The following DNM1 variants were observed in gnomAD, a reference collection of about 807,000 sequenced individuals.
The protein encoded by DNM1 is dynamin-1.
In DNM1, 29 loss-of-function variants were observed where a neutral mutation model predicts 104.6. The observed-to-expected ratio is 0.28, with a 90% CI of 0.21 to 0.38. The LOEUF (loss-of-function observed/expected upper bound fraction) is 0.38. Among genes scored for constraint, DNM1 ranks in the 10% least tolerant of loss-of-function variants. The pLI, the probability that DNM1 is intolerant of heterozygous loss-of-function variation, is 1.00. For missense variants in DNM1, 640 were observed against 1,189.4 expected, an observed-to-expected ratio of 0.54 and a Z score of 6.79; for synonymous variants, 445 against 475.8, an observed-to-expected ratio of 0.94 and a Z score of 0.84.
chr9:128,253,480 G>C lies in DNM1; in HGVS notation c.2535-1174G>C, dbSNP rs1829654913. ...ATGGTGTAAAGGCTGGGAGCTTGGA[G>C]GGGGTCGTGTGTGGGGCTGGACTCT... On this transcript the variant is annotated intron_variant, in intron 21 of 21. Transcript: ENST00000372923. This position sits in a 1 kb window ranked among gnomAD's most constrained non-coding sequence, Gnocchi z 5.9. 8.4e-6 allele frequency: 3 copies of C among 359,086 alleles called. No homozygotes were observed. Among genetic ancestry groups the C allele is most frequent in the Non-Finnish European group, 1.0e-5 (2 of 194,350 alleles). 22.2% of individuals were successfully genotyped at this position (359,086 alleles called of 1,614,324 possible).
At chr9:128,219,312 A>C in intron 4 of DNM1, 60 bp downstream of exon 4, 1 of 1,444,320 alleles carries the variant, frequency 6.9e-7, no homozygotes, top group South Asian at 1.1e-5. Flanking sequence ...GTCTATTCTT[A>C]GTGTAAAGGG....
rs1424095122 is a variant in DNM1 at position 128,242,384 on chromosome 9, G to A, written c.1671+39G>A. 3 of 1,196,628 alleles carry A rather than the reference G, an allele frequency of 2.5e-6. No individual in the cohort carries two copies. The African/African-American group carries it at 4.5e-5, about 18-fold the overall frequency. 74.1% of individuals were successfully genotyped at this position (1,196,628 alleles called of 1,614,324 possible). ...CAGTGGTCATCAAGGGGCTGGGCTG[G>A]TGGACAGAGTCAGGCTCAGACCCTC... On this transcript the variant is annotated intron_variant, in intron 15 of 21. Coordinates refer to ENST00000372923, the MANE Select transcript of DNM1 (RefSeq NM_004408.4).
intron 21 of DNM1, chr9:128,251,209 A>G (rs1829497652): frequency 1.5e-6 from 1 of 650,326 alleles, no homozygotes; most frequent in East Asian, 3.1e-5. Context: ...CAGCACTTGC[A>G]TGGCGCTTCC....
At chr9:128,204,234 C>A (rs553674081) in intron 1 of DNM1, 46 of 152,594 alleles carry the variant, frequency 3.0e-4, no homozygotes, top group Non-Finnish European at 6.0e-4. Flanking sequence ...AGGGGGGAGG[C>A]GCGGGCTGCA....
In DNM1 at chr9:128,253,986, C is replaced by G; in HGVS notation, c.2535-668C>G. The G allele has an allele frequency of 8.1e-7, 1 of 1,234,058 alleles. No homozygotes were observed. The highest frequency in any genetic ancestry group is 1.0e-6 in the Non-Finnish European group (1 of 989,446). The allele number at this position is 1,234,058 out of a possible 1,614,324, so 76.4% of individuals were successfully genotyped here. A position where few individuals can be genotyped will look rare whatever the true frequency, so the allele number is the denominator to read the frequency against. Reference sequence around the variant, plus strand: ...CCCCCATTCTCCTGCCACTGACTCTCGCTCTTCTGCTTTTCCCAGCAGGAA... The same window carrying G: ...CCCCCATTCTCCTGCCACTGACTCTGGCTCTTCTGCTTTTCCCAGCAGGAA... On this transcript the variant is annotated intron_variant, in intron 21 of 21. Coordinates refer to ENST00000372923, the MANE Select transcript of DNM1 (RefSeq NM_004408.4). This position sits in a 1 kb window ranked among gnomAD's most constrained non-coding sequence, Gnocchi z 5.9.
At chr9:128,236,696 TA>T (rs1032192836) in intron 11 of DNM1, among the ~76,000 whole-genome samples, 2 of 151,904 alleles carry the variant, frequency 1.3e-5, no homozygotes, top group African/African-American at 4.8e-5. Context: ...ACAAAAAATT[TA>T]AAAAACTAGC....
At chr9:128,227,734 G>A (rs77989565) in intron 10 of DNM1, among the ~76,000 whole-genome samples, 37,795 of 151,942 alleles carry the variant, frequency 0.25, 5,025 homozygotes, top group South Asian at 0.37. Context: ...AATGTGGCAT[G>A]ATTTATATGT....
At chr9:128,242,591 C>T (rs1836439430) in intron 15 of DNM1, among the ~76,000 whole-genome samples, 1 of 152,174 alleles carries the variant, frequency 6.6e-6, no homozygotes, top group South Asian at 2.1e-4. Flanking sequence ...GAAACCCCAT[C>T]TCTACTAAAA....
In DNM1 at chr9:128,222,205, G is replaced by A. The variant is rs752460388; in HGVS notation, c.858G>A (p.Thr286=). 34 of 1,613,012 alleles carry A rather than the reference G, an allele frequency of 2.1e-5. No homozygotes were observed. The highest frequency in any genetic ancestry group is 1.6e-4 in the Middle Eastern group (1 of 6,080). The change falls in exon 7 of 22, where the codon ACG becomes ACA. Residue 286 remains threonine (T), a synonymous_variant. Transcript: ENST00000372923. The surrounding 1 kb of genome is among the most constrained non-coding windows in gnomAD (Gnocchi z 7.8). ...YLQKVLNQQL[T]NHIRDTLPGL... ...CTCACCCTTACCCCCAGCAACTGAC[G>A]AACCACATCCGGGACACACTGCCGG...
intron 21 of DNM1, chr9:128,252,445 T>G (rs1829587080): frequency 2.5e-6 from 1 of 401,492 alleles, no homozygotes; most frequent in South Asian, 1.9e-5. Flanking sequence ...ATGGCTGAGA[T>G]AGGCTTACGT....
intron 20 of DNM1, 114 bp downstream of exon 20, chr9:128,250,470 G>A (rs1829444443): frequency 8.2e-7 from 1 of 1,213,914 alleles, no homozygotes; most frequent in Non-Finnish European, 1.1e-6. Context: ...CACCTGGAGC[G>A]AGGGGCGGAG....
In DNM1 at chr9:128,245,253, G is replaced by C. The variant is rs1836711326; in HGVS notation, c.1672-1141G>C. On this transcript the variant is annotated intron_variant, in intron 15 of 21. Coordinates refer to ENST00000372923, the MANE Select transcript of DNM1 (RefSeq NM_004408.4). The surrounding 1 kb of genome is among the most constrained non-coding windows in gnomAD (Gnocchi z 5.2). Reference sequence around the variant, plus strand: ...AAGAGGGCTTTATGTGGCTGCATGGGCCAGGGGGGCGTTGGGGGCAGAGAG... The same window carrying C: ...AAGAGGGCTTTATGTGGCTGCATGGCCCAGGGGGGCGTTGGGGGCAGAGAG... Among the ~76,000 whole-genome samples, 1 of 151,926 alleles carries C rather than the reference G, an allele frequency of 6.6e-6. No individual in the cohort carries two copies. The highest frequency in any genetic ancestry group is 6.6e-5 in the Admixed American group (1 of 15,266).
At position 128,253,057 on chromosome 9, in the gene DNM1, C is replaced by G. The variant is rs1263508217; in HGVS notation, c.2535-1597C>G. 2 of 1,608,714 alleles carry G rather than the reference C, an allele frequency of 1.2e-6. No individual in the cohort carries two copies. The highest frequency in any genetic ancestry group is 1.7e-6 in the Non-Finnish European group (2 of 1,177,732). ...GTCCCCCACCCCCAGGCCGGCCCCA[C>G]CCGTGCGTGTGAACTGCCATGTTGA... On this transcript the variant is annotated intron_variant, in intron 21 of 21. Transcript: ENST00000372923. This position sits in a 1 kb window ranked among gnomAD's most constrained non-coding sequence, Gnocchi z 5.9.
At chr9:128,246,003 C>A (rs1030679392) in intron 15 of DNM1, among the ~76,000 whole-genome samples, 3 of 152,358 alleles carry the variant, frequency 2.0e-5, no homozygotes, top group South Asian at 2.1e-4. Context: ...TGGTGGCCCC[C>A]CTTCCTGGTC....
At chr9:128,211,963 G>A (rs941834791) in intron 1 of DNM1, among the ~76,000 whole-genome samples, 1 of 152,212 alleles carries the variant, frequency 6.6e-6, no homozygotes, top group African/African-American at 2.4e-5. Context: ...TCTGTCTCAT[G>A]TGCCTCTCTT....
At chr9:128,229,282 C>G (rs1835526251) in intron 10 of DNM1, among the ~76,000 whole-genome samples, 1 of 151,290 alleles carries the variant, frequency 6.6e-6, no homozygotes, top group African/African-American at 2.4e-5. Flanking sequence ...GCAGTCCTTG[C>G]TACTTGGGAG....
Position 128,253,809 on chromosome 9 carries a change from C to A in DNM1, c.2535-845C>A. ...GGTACCGTCATAGCTGCTAGTGTGA[C>A]TGAAGGCAGTGTCCCTGGCCCCAGC... On this transcript the variant is annotated intron_variant, in intron 21 of 21. Coordinates refer to ENST00000372923, the MANE Select transcript of DNM1 (RefSeq NM_004408.4). This position sits in a 1 kb window ranked among gnomAD's most constrained non-coding sequence, Gnocchi z 5.9. The A allele has an allele frequency of 1.5e-6, 1 of 664,918 alleles. No homozygotes were observed. The highest frequency in any genetic ancestry group is 2.1e-6 in the Non-Finnish European group (1 of 473,302). 41.2% of individuals were successfully genotyped at this position (664,918 alleles called of 1,614,324 possible).
At position 128,224,082 on chromosome 9, in the gene DNM1, A is replaced by AT; in HGVS notation, c.1197-167dup. 1.3e-6 allele frequency: 1 copy of AT among 795,502 alleles called. No homozygotes were observed. The highest frequency in any genetic ancestry group is 2.9e-5 in the East Asian group (1 of 34,804). The allele number at this position is 795,502 out of a possible 1,614,324, so 49.3% of individuals were successfully genotyped here. On this transcript the variant is annotated intron_variant, in intron 9 of 21. Transcript: ENST00000372923. The surrounding 1 kb of genome is among the most constrained non-coding windows in gnomAD (Gnocchi z 4.3). The stretch of plus-strand genomic sequence containing the variant: ...TAACAACAACAACAAAAAACCCTTC[A>AT]TTAGAACCCCTCCCTCCCATTTTAC...
At chr9:128,210,348 C>CATTATTATTATTATTATTATTATT (rs61012054) in intron 1 of DNM1, among the ~76,000 whole-genome samples, 17 of 141,620 alleles carry the variant, frequency 1.2e-4, no homozygotes, top group South Asian at 2.3e-4. Context: ...ATTTATTTGG[C>CATTATTATTATTATTATTATTATT]ATTATTATTA....
Sources: allele counts gnomAD v4.1 joint callset (sites outside exome capture counted in the v4.1 genomes callset), GRCh38; gene constraint gnomAD v4.1.1; non-coding constraint Gnocchi (gnomAD v3.1); transcripts MANE v1.5; gene names NCBI Gene and HGNC (gene_info 2026-07-23, HGNC 2026-07-21).